The following PRIM2 variants were observed in gnomAD, a reference collection of about 807,000 sequenced individuals.
PRIM2 encodes DNA primase subunit 2, also known as DNA primase large subunit.
PRIM2 carries 39 observed loss-of-function variants against 67.3 expected under a neutral mutation model. The observed-to-expected ratio is 0.58, with a 90% CI of 0.45 to 0.76. The LOEUF is 0.76. Among genes scored for constraint, PRIM2 ranks in the 30% least tolerant of loss-of-function variants. The pLI is 0.00. For missense variants in PRIM2, 398 were observed against 598.7 expected (o/e 0.66, Z 3.50); for synonymous variants, 143 against 198.7 (o/e 0.72, Z 2.36).
At chr6:57,489,552 C>T (rs1455930588) in intron 7 of PRIM2, among the ~76,000 whole-genome samples, 14 of 144,760 alleles carry the variant, frequency 9.7e-5, no homozygotes, top group South Asian at 8.6e-4. Context: ...GTGAGACCCC[C>T]GTCTCCAGAA....
chr6:57,272,434 G>C, the PRIM2 span, among the ~76,000 whole-genome samples: 2 of 152,060 alleles, frequency 1.3e-5, no homozygotes, highest in Non-Finnish European at 2.9e-5. Context: ...TTTTATCAGA[G>C]ACTAGGATTG....
the PRIM2 span, among the ~76,000 whole-genome samples, chr6:57,305,289 A>AT: frequency 6.6e-6 from 1 of 152,196 alleles, no homozygotes; most frequent in Non-Finnish European, 1.5e-5. Context: ...TCTGTGAAGG[A>AT]TTACATCATA....
At chr6:57,286,290 G>A in the PRIM2 span, among the ~76,000 whole-genome samples, 4,246 of 152,156 alleles carry the variant, frequency 0.028, 92 homozygotes, top group Non-Finnish European at 0.04. Context: ...AAAAGAGCCC[G>A]TATAGCCAAG....
At position 57,379,937 on chromosome 6, in the gene PRIM2, A is replaced by G; in HGVS notation, c.496A>G (p.Ile166Val). ...DEEKTLREQE[I>V]VASSPSLSGL... ...AGAGAAGACTCTTCGAGAACAGGAG[A>G]TTGTTGCCTCATCACCAAGTTTAAG... is the stretch of plus-strand genomic sequence containing the variant. The change falls in exon 6 of 14, where the codon ATT becomes GTT. Residue 166 changes from isoleucine (I) to valine (V), a missense_variant. Ile to Val is a conservative substitution (Grantham distance 29). This residue lies in a region of PRIM2 where 229 missense variants were observed against 383.6 expected (regional missense o/e 0.60). Coordinates refer to ENST00000615550, the MANE Select transcript of PRIM2 (RefSeq NM_000947.5). The G allele has an allele frequency of 1.3e-6, 2 of 1,556,608 alleles. No individual in the cohort carries two copies. Among genetic ancestry groups the G allele is most frequent in the Non-Finnish European group, 1.7e-6 (2 of 1,149,104 alleles).
chr6:57,587,883 T>C (rs1163646285), intron 10 of PRIM2, among the ~76,000 whole-genome samples: 5 of 151,990 alleles, frequency 3.3e-5, no homozygotes, highest in African/African-American at 1.2e-4. Flanking sequence ...GGATTAGAAG[T>C]GGGGACTCAT....
chr6:57,229,865 G>A, the PRIM2 span, among the ~76,000 whole-genome samples: 1 of 108,958 alleles, frequency 9.2e-6, no homozygotes, highest in African/African-American at 3.8e-5. Context: ...ATTCTTTTTT[G>A]TTGCACTCGA....
chr6:57,335,533 TC>T (rs759954376), intron 5 of PRIM2, among the ~76,000 whole-genome samples: 1 of 151,936 alleles, frequency 6.6e-6, no homozygotes, highest in Non-Finnish European at 1.5e-5. Flanking sequence ...GCAGACTGCC[TC>T]CTCAAGTGGG....
At chr6:57,525,186 C>A (rs1554349254) in intron 8 of PRIM2, among the ~76,000 whole-genome samples, 1 of 152,130 alleles carries the variant, frequency 6.6e-6, no homozygotes, top group South Asian at 2.1e-4. Flanking sequence ...TATGTGATAA[C>A]CCTTCAGATC....
chr6:57,389,788 A>G (rs1395727619), intron 7 of PRIM2, among the ~76,000 whole-genome samples: 2 of 152,034 alleles, frequency 1.3e-5, no homozygotes, highest in African/African-American at 4.8e-5. Context: ...GTAGTGTTCA[A>G]TTTTCTTCCT....
At chr6:57,282,625 G>A in the PRIM2 span, among the ~76,000 whole-genome samples, 1 of 152,148 alleles carries the variant, frequency 6.6e-6, no homozygotes, top group Non-Finnish European at 1.5e-5. Flanking sequence ...TAAGGTAAAC[G>A]TAAAATGAGG....
intron 7 of PRIM2, among the ~76,000 whole-genome samples, chr6:57,412,021 T>A (rs1297730936): frequency 2.0e-5 from 3 of 151,078 alleles, no homozygotes; most frequent in African/African-American, 4.8e-5. Context: ...TTAAAATATT[T>A]TTAATATTAA....
chr6:57,360,807 C>CT (rs1012630690), intron 5 of PRIM2, among the ~76,000 whole-genome samples: 9 of 147,806 alleles, frequency 6.1e-5, no homozygotes, highest in Admixed American at 3.4e-4. Flanking sequence ...TAATTTTGCC[C>CT]TTTTTTTGAT....
intron 9 of PRIM2, among the ~76,000 whole-genome samples, chr6:57,536,351 G>T (rs1262698946): frequency 6.6e-6 from 1 of 152,180 alleles, no homozygotes; most frequent in Non-Finnish European, 1.5e-5. Flanking sequence ...TGGCACTAAG[G>T]CACTAACTAC....
chr6:57,412,961 C>T (rs567861925), intron 7 of PRIM2, among the ~76,000 whole-genome samples: 5 of 152,032 alleles, frequency 3.3e-5, no homozygotes, highest in African/African-American at 9.7e-5. Context: ...CTCCTTTCTT[C>T]GAAATGTACT....
At chr6:57,455,684 G>A (rs1772746534) in intron 7 of PRIM2, among the ~76,000 whole-genome samples, 1 of 152,100 alleles carries the variant, frequency 6.6e-6, no homozygotes, top group Non-Finnish European at 1.5e-5. Flanking sequence ...ATGTGTCTCC[G>A]CATGTGAGAT....
chr6:57,350,804 G>A (rs12663516), intron 5 of PRIM2, among the ~76,000 whole-genome samples: 54 of 152,010 alleles, frequency 3.6e-4, no homozygotes, highest in African/African-American at 1.3e-3. Context: ...TTTTGTGGAC[G>A]TTTCCTAGAT....
intron 12 of PRIM2, among the ~76,000 whole-genome samples, chr6:57,619,149 G>A (rs1776806820): frequency 6.6e-6 from 1 of 152,174 alleles, no homozygotes; most frequent in Non-Finnish European, 1.5e-5. Context: ...CTCACTGGAT[G>A]GTTAAACCCA....
chr6:57,633,830 G>A lies in PRIM2; in HGVS notation c.1299+1629G>A, dbSNP rs1465570312. On this transcript the variant is annotated intron_variant, in intron 13 of 13. Coordinates refer to ENST00000615550, the MANE Select transcript of PRIM2 (RefSeq NM_000947.5). The stretch of plus-strand genomic sequence containing the variant: ...CTCAGGCAGTGATGCAAGTGATGGG[G>A]AGTAGCTGTAAATACAGATGAAGCT... Among the ~76,000 whole-genome samples the A allele has an allele frequency of 2.6e-5, 4 of 152,256 alleles. No individual in the cohort carries two copies. In the South Asian group the frequency reaches 8.3e-4, roughly 32 times the overall value.
At chr6:57,641,705 TG>T (rs1777238766) in intron 13 of PRIM2, among the ~76,000 whole-genome samples, 1 of 152,128 alleles carries the variant, frequency 6.6e-6, no homozygotes. Flanking sequence ...CCAGTTAGAA[TG>T]GGGGTCATTA....
Sources: allele counts gnomAD v4.1 joint callset (sites outside exome capture counted in the v4.1 genomes callset), GRCh38; gene constraint gnomAD v4.1.1; regional missense constraint gnomAD v4.1.1; transcripts MANE v1.5; gene names NCBI Gene and HGNC (gene_info 2026-07-23, HGNC 2026-07-21).